The following ARSJ variants were observed in gnomAD, a reference collection of about 807,000 sequenced individuals.
ARSJ encodes arylsulfatase family member J.
A neutral mutation model predicts 35.9 loss-of-function variants in ARSJ; 26 were observed. That is an observed-to-expected ratio of 0.72 (90% CI 0.53 to 1.00). The LOEUF (loss-of-function observed/expected upper bound fraction) is 1.00. ARSJ is among the 50% of genes least tolerant of loss of function. ARSJ has a pLI of 0.00. For synonymous variants in ARSJ, 294 were observed against 267.6 expected, an observed-to-expected ratio of 1.10 and a Z score of -0.96; for missense variants, 667 against 723.6, an observed-to-expected ratio of 0.92 and a Z score of 0.90.
chr4:113,969,284 T>C (rs1429946935), intron 1 of ARSJ, among the ~76,000 whole-genome samples: 2 of 152,154 alleles, frequency 1.3e-5, no homozygotes, highest in African/African-American at 4.8e-5. Context: ...TTTTTGGACA[T>C]CTCAGAACTA....
rs542899963 is a variant in ARSJ, at chr4:113,946,681, C to G, written c.398+31756G>C. Among the ~76,000 whole-genome samples, 6 of 151,964 alleles carry G rather than the reference C, an allele frequency of 3.9e-5. No individual in the cohort carries two copies. The East Asian group carries it at 1.2e-3, about 30-fold the overall frequency. On this transcript the variant is annotated intron_variant, in intron 1 of 1. Coordinates refer to ENST00000315366, the MANE Select transcript of ARSJ (RefSeq NM_024590.4). Reference sequence around the variant, plus strand: ...ATAAATCTACATTTCTCCTTGACCTCAATAATAGTAATAATGCACTTATAA... The same window carrying G: ...ATAAATCTACATTTCTCCTTGACCTGAATAATAGTAATAATGCACTTATAA...
At chr4:113,948,838 T>C (rs1489989974) in intron 1 of ARSJ, among the ~76,000 whole-genome samples, 1 of 152,156 alleles carries the variant, frequency 6.6e-6, no homozygotes, top group Non-Finnish European at 1.5e-5. Flanking sequence ...TGGAATTTTC[T>C]GTATCTCTTC....
At chr4:113,934,614 C>T (rs762358463) in intron 1 of ARSJ, among the ~76,000 whole-genome samples, 8 of 151,654 alleles carry the variant, frequency 5.3e-5, no homozygotes, top group Non-Finnish European at 1.2e-4. Context: ...ATTGATTGTA[C>T]ATTTCCAAAT....
chr4:113,946,501 G>T (rs972759557), intron 1 of ARSJ: 1 of 150,510 alleles, frequency 6.6e-6, no homozygotes, highest in East Asian at 2.0e-4. Context: ...TTTGCACGTT[G>T]TCTCCAATGA....
chr4:113,956,057 C>T (rs187453686), intron 1 of ARSJ, among the ~76,000 whole-genome samples: 111 of 152,144 alleles, frequency 7.3e-4, no homozygotes, highest in Non-Finnish European at 1.6e-4. Context: ...TCAAGTGATC[C>T]TTCCACCTCA....
At chr4:113,913,402 A>G (rs62314610) in intron 1 of ARSJ, among the ~76,000 whole-genome samples, 107,240 of 151,588 alleles carry the variant, frequency 0.71, 38,695 homozygotes, top group East Asian at 0.81. Context: ...CCTACTAGAT[A>G]GTCTTCCCTG....
intron 1 of ARSJ, among the ~76,000 whole-genome samples, chr4:113,929,900 C>G (rs2149263550): frequency 6.6e-6 from 1 of 152,254 alleles, no homozygotes; most frequent in Non-Finnish European, 1.5e-5. Context: ...AGCTCCTTGC[C>G]TCTCACAAGC....
chr4:113,964,697 G>A (rs1024403715), intron 1 of ARSJ, among the ~76,000 whole-genome samples: 90 of 152,114 alleles, frequency 5.9e-4, no homozygotes, highest in African/African-American at 1.9e-3. Context: ...ACCATGGAGC[G>A]TTAAAGATCA....
intron 1 of ARSJ, among the ~76,000 whole-genome samples, chr4:113,944,727 A>C (rs1270858024): frequency 6.6e-6 from 1 of 152,072 alleles, no homozygotes; most frequent in Non-Finnish European, 1.5e-5. Flanking sequence ...AGAGTAATAC[A>C]AATGATTTTT....
chr4:113,960,263 A>G (rs898001368), intron 1 of ARSJ, among the ~76,000 whole-genome samples: 4 of 152,112 alleles, frequency 2.6e-5, no homozygotes, highest in Admixed American at 2.6e-4. Context: ...GGTATGCCTA[A>G]CTACAGCTTA....
intron 1 of ARSJ, among the ~76,000 whole-genome samples, chr4:113,938,286 A>G (rs1376938539): frequency 6.6e-6 from 1 of 152,036 alleles, no homozygotes; most frequent in Non-Finnish European, 1.5e-5. Flanking sequence ...AAGCAATGGG[A>G]AAAAGATTCC....
chr4:113,962,002 A>C (rs932417097), intron 1 of ARSJ, among the ~76,000 whole-genome samples: 3 of 151,948 alleles, frequency 2.0e-5, no homozygotes, highest in Non-Finnish European at 4.4e-5. Context: ...ATTTTGATGA[A>C]AATAGGGATG....
chr4:113,905,721 G>T (rs2149248328), intron 1 of ARSJ, among the ~76,000 whole-genome samples: 1 of 129,726 alleles, frequency 7.7e-6, no homozygotes, highest in East Asian at 2.3e-4. Context: ...AGGCTGGAGT[G>T]CAGTGGCACG....
chr4:113,900,571 A>T lies in ARSJ; in HGVS notation c.*1703T>A, dbSNP rs569563448. On this transcript the variant is annotated 3_prime_UTR_variant, in exon 2 of 2. Transcript: ENST00000315366. ...AAATGGATTATATCACAGTCCTTTG[A>T]GCTGTGATGTAAATGTATTTAATGG... 2.0e-5 allele frequency: 3 copies of T among 152,236 alleles called. No individual in the cohort carries two copies. In the South Asian group the frequency reaches 6.2e-4, roughly 32 times the overall value. 9.4% of individuals were successfully genotyped at this position (152,236 alleles called of 1,614,324 possible). A position where few individuals can be genotyped will look rare whatever the true frequency, so the allele number is the denominator to read the frequency against.
intron 1 of ARSJ, chr4:113,970,971 AT>A (rs1356320151): frequency 1.3e-5 from 2 of 152,166 alleles, no homozygotes; most frequent in Non-Finnish European, 2.9e-5. Flanking sequence ...CAGTAAAAAA[AT>A]AAAAATAAAA....
At chr4:113,909,119 T>C (rs2099669657) in intron 1 of ARSJ, among the ~76,000 whole-genome samples, 1 of 151,938 alleles carries the variant, frequency 6.6e-6, no homozygotes, top group South Asian at 2.1e-4. Context: ...ACTAAATCAG[T>C]GAGAGAAGTA....
intron 1 of ARSJ, among the ~76,000 whole-genome samples, chr4:113,930,359 C>T (rs898524386): frequency 5.3e-5 from 8 of 152,058 alleles, no homozygotes; most frequent in Non-Finnish European, 8.8e-5. Context: ...CACCTTTTCA[C>T]GTTTTTCTGC....
chr4:113,972,451 C>T (rs1414081551), intron 1 of ARSJ, among the ~76,000 whole-genome samples: 1 of 152,088 alleles, frequency 6.6e-6, no homozygotes, highest in African/African-American at 2.4e-5. Flanking sequence ...AGTCCTTTCC[C>T]CATCCCAACT....
chr4:113,976,407 C>T lies in ARSJ; in HGVS notation c.398+2030G>A, dbSNP rs78203619. On this transcript the variant is annotated intron_variant, in intron 1 of 1. Transcript: ENST00000315366. Reference sequence around the variant, plus strand: ...TATTCTCTGGGACCTGCATTATTAACTCATTTATGCCTAGTGTTCCATTAT... The same window carrying T: ...TATTCTCTGGGACCTGCATTATTAATTCATTTATGCCTAGTGTTCCATTAT... 0.013 allele frequency among the ~76,000 whole-genome samples: 2,034 copies of T among 152,238 alleles called. 114 individuals are homozygous for T. In the East Asian group the frequency reaches 0.16, roughly 12 times the overall value.
Sources: allele counts gnomAD v4.1 joint callset (sites outside exome capture counted in the v4.1 genomes callset), GRCh38; gene constraint gnomAD v4.1.1; transcripts MANE v1.5; gene names NCBI Gene and HGNC (gene_info 2026-07-23, HGNC 2026-07-21).